The following SPAG16 variants were observed in gnomAD, a reference collection of about 807,000 sequenced individuals.
SPAG16 encodes the protein sperm-associated antigen 16 protein.
Under a neutral mutation model 80.4 loss-of-function variants are expected in SPAG16, and 86 were observed. The observed-to-expected ratio is 1.07, with a 90% CI of 0.90 to 1.28. The LOEUF (loss-of-function observed/expected upper bound fraction) is 1.28. Among genes scored for constraint, SPAG16 ranks in the 50% most tolerant of loss-of-function variants. The pLI is 0.00. For synonymous variants in SPAG16, 294 were observed against 265.9 expected, an observed-to-expected ratio of 1.11 and a Z score of -1.03; for missense variants, 870 against 765.3, an observed-to-expected ratio of 1.14 and a Z score of -1.61.
intron 13 of SPAG16, among the ~76,000 whole-genome samples, chr2:214,022,729 T>A (rs200660765): frequency 1.4e-4 from 1 of 7,208 alleles, no homozygotes; most frequent in Admixed American, 1.1e-3. Context: ...AAAAAGAATC[T>A]GTCTTACCAT....
At chr2:213,547,345 C>G (rs568426311) in intron 10 of SPAG16, among the ~76,000 whole-genome samples, 9 of 152,130 alleles carry the variant, frequency 5.9e-5, no homozygotes, top group African/African-American at 2.2e-4. Flanking sequence ...CCTTCCCTTG[C>G]ATTTCTTTGA....
chr2:213,869,209 C>T (rs1049336926), intron 11 of SPAG16, among the ~76,000 whole-genome samples: 7 of 143,430 alleles, frequency 4.9e-5, no homozygotes, highest in Non-Finnish European at 7.5e-5. Flanking sequence ...GTTGAGATCG[C>T]GCCATTGAAC....
intron 14 of SPAG16, among the ~76,000 whole-genome samples, chr2:214,142,522 T>C (rs1576335283): frequency 6.6e-6 from 1 of 152,162 alleles, no homozygotes; most frequent in East Asian, 1.9e-4. Context: ...TCTTTCTTTG[T>C]GCTTACCCTT....
chr2:213,825,706 T>TTTTTTTTTTTTTTTTTTTTTTTG (rs2073243744), intron 10 of SPAG16, among the ~76,000 whole-genome samples: 1 of 26,324 alleles, frequency 3.8e-5, no homozygotes, highest in African/African-American at 6.7e-5. Context: ...TCTTTCTTTT[T>TTTTTTTTTTTTTTTTTTTTTTTG]TTTTTTTTTT....
intron 5 of SPAG16, among the ~76,000 whole-genome samples, chr2:213,322,357 C>A (rs67830923): frequency 0.14 from 9,463 of 69,160 alleles, 1,549 homozygotes; most frequent in Middle Eastern, 0.2. Flanking sequence ...AAAAAAAAAA[C>A]AAAAAACTCG....
chr2:214,048,198 C>T (rs1469245809), intron 13 of SPAG16, among the ~76,000 whole-genome samples: 4 of 152,118 alleles, frequency 2.6e-5, no homozygotes, highest in Non-Finnish European at 5.9e-5. Flanking sequence ...TAGGTATATA[C>T]TCCAAAGAAA....
At chr2:214,317,084 C>T (rs552472515) in intron 15 of SPAG16, among the ~76,000 whole-genome samples, 45 of 152,330 alleles carry the variant, frequency 3.0e-4, no homozygotes, top group African/African-American at 1.0e-3. Context: ...CTGCTGATTC[C>T]TGAATGCAAA....
At chr2:213,408,456 A>G (rs2068786461) in intron 9 of SPAG16, among the ~76,000 whole-genome samples, 2 of 152,236 alleles carry the variant, frequency 1.3e-5, no homozygotes, top group Admixed American at 6.5e-5. Flanking sequence ...ATCCTAAGTC[A>G]AAAAAAGCAA....
At chr2:213,978,205 C>T (rs1268708599) in intron 12 of SPAG16, among the ~76,000 whole-genome samples, 2 of 152,062 alleles carry the variant, frequency 1.3e-5, no homozygotes, top group African/African-American at 4.8e-5. Flanking sequence ...TCTCCTCTCA[C>T]ATTTTACTCT....
At chr2:214,039,210 T>A (rs2048873984) in intron 13 of SPAG16, among the ~76,000 whole-genome samples, 1 of 152,150 alleles carries the variant, frequency 6.6e-6, no homozygotes, top group East Asian at 1.9e-4. Context: ...ACCTGTTGTT[T>A]CTTGACTTTT....
chr2:213,905,874 T>C (rs1429443579), intron 11 of SPAG16, among the ~76,000 whole-genome samples: 1 of 152,168 alleles, frequency 6.6e-6, no homozygotes, highest in Non-Finnish European at 1.5e-5. Context: ...GGGAATATCC[T>C]AGTAGCAGAG....
At chr2:213,590,768 T>A (rs1157092290) in intron 10 of SPAG16, among the ~76,000 whole-genome samples, 1 of 152,172 alleles carries the variant, frequency 6.6e-6, no homozygotes, top group Non-Finnish European at 1.5e-5. Flanking sequence ...AAAATTAGAA[T>A]TACTGTTCAA....
intron 10 of SPAG16, among the ~76,000 whole-genome samples, chr2:213,819,882 A>C (rs1269669238): frequency 6.7e-6 from 1 of 150,326 alleles, no homozygotes; most frequent in Non-Finnish European, 1.5e-5. Context: ...TCAGTCTTCC[A>C]TGTAGCTGGG....
At chr2:213,801,662 A>T (rs937750209) in intron 10 of SPAG16, among the ~76,000 whole-genome samples, 1 of 152,204 alleles carries the variant, frequency 6.6e-6, no homozygotes, top group African/African-American at 2.4e-5. Context: ...ATGGAGGTTG[A>T]CAGATGAAGC....
intron 12 of SPAG16, among the ~76,000 whole-genome samples, chr2:213,962,516 G>A (rs1263951999): frequency 5.9e-5 from 9 of 152,088 alleles, no homozygotes. Flanking sequence ...AGAGAAAGAC[G>A]GCAAGGGTAT....
At chr2:214,174,455 A>G (rs1320880759) in intron 15 of SPAG16, among the ~76,000 whole-genome samples, 1 of 152,036 alleles carries the variant, frequency 6.6e-6, no homozygotes, top group Non-Finnish European at 1.5e-5. Context: ...CAGAAAGCCA[A>G]ATCATGAGTG....
At chr2:214,032,594 A>G (rs1385997484) in intron 13 of SPAG16, among the ~76,000 whole-genome samples, 1 of 152,240 alleles carries the variant, frequency 6.6e-6, no homozygotes, top group Non-Finnish European at 1.5e-5. Flanking sequence ...GTTAGGAAGA[A>G]CTTAAGTGCT....
intron 9 of SPAG16, among the ~76,000 whole-genome samples, chr2:213,378,011 A>G (rs890543171): frequency 1.3e-5 from 2 of 152,012 alleles, no homozygotes; most frequent in African/African-American, 4.8e-5. Flanking sequence ...CTGTCTGCAA[A>G]CTAAGGAGCA....
At chr2:213,991,367 G>A (rs2046272565) in intron 12 of SPAG16, among the ~76,000 whole-genome samples, 1 of 152,148 alleles carries the variant, frequency 6.6e-6, no homozygotes. Flanking sequence ...ACTCCATGGT[G>A]TATATGTGCC....
Sources: gnomAD v4.1 joint callset for allele counts (sites outside exome capture counted in the v4.1 genomes callset) on GRCh38, gnomAD v4.1.1 for gene constraint, MANE v1.5 for transcripts, NCBI Gene and HGNC (gene_info 2026-07-23, HGNC 2026-07-21) for gene names.